The following INTS8 variants were observed in gnomAD, a reference collection of about 807,000 sequenced individuals.
The protein encoded by INTS8 is integrator complex subunit 8.
Under a neutral mutation model 138.9 loss-of-function variants are expected in INTS8, and 47 were observed. That is an observed-to-expected ratio of 0.34 (90% CI 0.27 to 0.43). INTS8 has a LOEUF of 0.43. INTS8 is among the 20% of genes least tolerant of loss of function. The pLI is 1.00. For missense variants in INTS8, 996 were observed against 1,173.0 expected (o/e 0.85, Z 2.20); for synonymous variants, 392 against 400.9 (o/e 0.98, Z 0.27).
chr8:94,853,695 G>T, intron 13 of INTS8, 110 bp from the exon 14 acceptor site: 1 of 596,796 alleles, frequency 1.7e-6, no homozygotes, highest in Non-Finnish European at 3.0e-6. Flanking sequence ...TTTAAGAGAC[G>T]ACCCGTGAGT....
At chr8:94,848,503 A>C (rs985089605) in intron 10 of INTS8, among the ~76,000 whole-genome samples, 25 of 152,110 alleles carry the variant, frequency 1.6e-4, no homozygotes, top group African/African-American at 5.8e-4. Flanking sequence ...TCAATCTCGC[A>C]CCACCTGAGG....
Position 94,829,020 on chromosome 8 carries a change from G to A in INTS8, c.564G>A (p.Leu188=). ...AAAAAGAGCTAACAGAAAACATTTT[G>A]AAAGTGGTAAGTATTGGCATCAGTT... is the stretch of plus-strand genomic sequence containing the variant. The part of the protein sequence containing the change: ...QQEKELTENI[L]KVLKEQAADS... Residue 188 remains leucine (L), a synonymous_variant, in exon 5 of 27, where the codon TTG becomes TTA. Transcript: ENST00000523731. The A allele has an allele frequency of 6.3e-7, 1 of 1,597,882 alleles. No homozygotes were observed.
At chr8:94,854,058 A>G (rs1057281236) in intron 14 of INTS8, 143 bp downstream of exon 14, 1 of 516,018 alleles carries the variant, frequency 1.9e-6, no homozygotes, top group Non-Finnish European at 3.5e-6. Context: ...AACATGGTGA[A>G]ACCTTCTCTC....
At chr8:94,831,086 G>A (rs181203188) in intron 5 of INTS8, among the ~76,000 whole-genome samples, 192 of 151,900 alleles carry the variant, frequency 1.3e-3, no homozygotes, top group African/African-American at 4.4e-3. Context: ...GTGAGCCACC[G>A]TGCCTGGCCA....
intron 21 of INTS8, among the ~76,000 whole-genome samples, chr8:94,873,130 C>T (rs1490829880): frequency 1.3e-5 from 2 of 152,132 alleles, no homozygotes; most frequent in Non-Finnish European, 2.9e-5. Context: ...CTTGATATAC[C>T]GATTCTGAAC....
chr8:94,863,344 T>G (rs770543319), intron 16 of INTS8, among the ~76,000 whole-genome samples: 28 of 152,258 alleles, frequency 1.8e-4, no homozygotes, highest in Non-Finnish European at 3.8e-4. Context: ...ATTCTGCACC[T>G]GTGCACACGC....
rs773089075 is a variant in INTS8, at chr8:94,859,590, C to G, written c.2034C>G (p.Leu678=). Residue 678 remains leucine (L), a synonymous_variant, in exon 16 of 27, where the codon CTC becomes CTG. Transcript: ENST00000523731. ...LNWRENEYLT[L]QVPAFLLQSN... ...GGAGAGAAAATGAATACCTTACACT[C>G]CAAGTTCCTGCATTTTTGCTTCAGA... 1 of 1,612,330 alleles carries G rather than the reference C, an allele frequency of 6.2e-7. No individual in the cohort carries two copies. The highest frequency in any genetic ancestry group is 8.5e-7 in the Non-Finnish European group (1 of 1,178,578).
At chr8:94,863,676 T>C (rs982009395) in intron 16 of INTS8, among the ~76,000 whole-genome samples, 1 of 152,190 alleles carries the variant, frequency 6.6e-6, no homozygotes, top group African/African-American at 2.4e-5. Flanking sequence ...ATTCAATTGA[T>C]TTGAGGCCTT....
chr8:94,828,419 A>C (rs2130993034), intron 4 of INTS8, among the ~76,000 whole-genome samples: 1 of 152,356 alleles, frequency 6.6e-6, no homozygotes, highest in East Asian at 1.9e-4. Flanking sequence ...ATATTAGAGT[A>C]CAATACAAAA....
intron 17 of INTS8, 75 bp from the exon 18 acceptor site, chr8:94,866,083 A>G (rs1401389864): frequency 1.5e-6 from 1 of 647,682 alleles, no homozygotes; most frequent in African/African-American, 1.8e-5. Context: ...ATAAACCTTC[A>G]CCTATAATTT....
chr8:94,867,978 T>C (rs1816244680), intron 20 of INTS8: 1 of 152,242 alleles, frequency 6.6e-6, no homozygotes, highest in South Asian at 2.1e-4. Context: ...AGTATCTATT[T>C]GAAAGTGATT....
rs1815166480 is a variant in INTS8 at position 94,842,330 on chromosome 8, AC to A, written c.1119-16del. On this transcript the variant is annotated splice_polypyrimidine_tract_variant and intron_variant, in intron 9 of 26. Transcript: ENST00000523731. Reference sequence around the variant, plus strand: ...TAGTAAAAATAACATTAGTTGATCTACTTTTGTATTCTACAGAAATGAAGCT... The same window carrying A: ...TAGTAAAAATAACATTAGTTGATCTATTTTGTATTCTACAGAAATGAAGCT... 4 of 1,525,878 alleles carry A rather than the reference AC, an allele frequency of 2.6e-6. No homozygotes were observed. The highest frequency in any genetic ancestry group is 2.7e-6 in the Non-Finnish European group (3 of 1,118,470). The allele number at this position is 1,525,878 out of a possible 1,614,324, so 94.5% of individuals were successfully genotyped here. A position where few individuals can be genotyped will look rare whatever the true frequency, so the allele number is the denominator to read the frequency against.
At chr8:94,856,694 C>T in intron 14 of INTS8, 83 bp from the exon 15 acceptor site, 2 of 1,083,374 alleles carry the variant, frequency 1.8e-6, no homozygotes, top group South Asian at 1.3e-5. Context: ...TAATCCTTCT[C>T]CTCTTTGCTC....
chr8:94,880,838 T>TTAAG lies in INTS8; in HGVS notation c.*606_*609dup, dbSNP rs1446719692. The TTAAG allele has an allele frequency of 7.5e-6, 3 of 398,440 alleles. No individual in the cohort carries two copies. The highest frequency in any genetic ancestry group is 3.6e-5 in the East Asian group (1 of 28,002). The allele number at this position is 398,440 out of a possible 1,614,324, so 24.7% of individuals were successfully genotyped here. A position where few individuals can be genotyped will look rare whatever the true frequency, so the allele number is the denominator to read the frequency against. ...TCATATAAATAGTTTGAAAGGGTAC[T>TTAAG]TAAGTTTTTCACCCAAATTGTGATA... is the stretch of plus-strand genomic sequence containing the variant. On this transcript the variant is annotated 3_prime_UTR_variant, in exon 27 of 27. Coordinates refer to ENST00000523731, the MANE Select transcript of INTS8 (RefSeq NM_017864.4).
chr8:94,836,277 T>TG (rs1416147207), intron 6 of INTS8, among the ~76,000 whole-genome samples: 2 of 152,198 alleles, frequency 1.3e-5, no homozygotes, highest in African/African-American at 2.4e-5. Context: ...GTCAGATTCT[T>TG]TAGCCTTTTT....
chr8:94,849,044 T>C (rs1169529221), intron 10 of INTS8, among the ~76,000 whole-genome samples: 1 of 152,116 alleles, frequency 6.6e-6, no homozygotes, highest in Non-Finnish European at 1.5e-5. Context: ...ATAGAACCAT[T>C]AGTTCTATAT....
chr8:94,865,357 A>G, intron 16 of INTS8, 149 bp from the exon 17 acceptor site: 1 of 610,424 alleles, frequency 1.6e-6, no homozygotes, highest in Admixed American at 3.1e-5. Flanking sequence ...TAAATTCCTC[A>G]AAGGTTGTAC....
chr8:94,829,545 T>C (rs1283688383), intron 5 of INTS8, among the ~76,000 whole-genome samples: 1 of 152,178 alleles, frequency 6.6e-6, no homozygotes, highest in Non-Finnish European at 1.5e-5. Flanking sequence ...CGCTGCTCAC[T>C]TCCTGCTGTG....
chr8:94,842,528 G>A (rs1220090183), intron 10 of INTS8, 40 bp downstream of exon 10: 2 of 1,536,360 alleles, frequency 1.3e-6, no homozygotes, highest in Non-Finnish European at 1.8e-6. Context: ...TTTATAATTT[G>A]CTTTAAGCTT....
Sources: gnomAD v4.1 joint callset for allele counts (sites outside exome capture counted in the v4.1 genomes callset) on GRCh38, gnomAD v4.1.1 for gene constraint, MANE v1.5 for transcripts, NCBI Gene and HGNC (gene_info 2026-07-23, HGNC 2026-07-21) for gene names.